CNBD1: variants seen among roughly 807,000 people sequenced by gnomAD.
CNBD1 encodes cyclic nucleotide binding domain containing 1.
CNBD1 carries 71 observed loss-of-function variants against 54.4 expected under a neutral mutation model. That is an observed-to-expected ratio of 1.30 (90% CI 1.08 to 1.59). CNBD1 has a LOEUF of 1.59. Among genes scored for constraint, CNBD1 ranks in the 40% most tolerant of loss-of-function variants. The pLI, the probability that CNBD1 is intolerant of heterozygous loss-of-function variation, is 0.00. For synonymous variants in CNBD1, 182 were observed against 170.7 expected (o/e 1.07, Z -0.51); for missense variants, 659 against 518.0 (o/e 1.27, Z -2.64).
intron 4 of CNBD1, among the ~76,000 whole-genome samples, chr8:86,989,593 G>A (rs1372717517): frequency 6.6e-6 from 1 of 152,078 alleles, no homozygotes; most frequent in Non-Finnish European, 1.5e-5. Flanking sequence ...TGGGATTACA[G>A]GCACATGCCA....
chr8:87,053,590 A>G (rs557166154), intron 4 of CNBD1, among the ~76,000 whole-genome samples: 1 of 152,268 alleles, frequency 6.6e-6, no homozygotes, highest in Non-Finnish European at 1.5e-5. Flanking sequence ...ACCTTTGTAG[A>G]TGCTGCCCAT....
chr8:87,372,431 T>C (rs2130949840), intron 10 of CNBD1, among the ~76,000 whole-genome samples: 1 of 152,052 alleles, frequency 6.6e-6, no homozygotes, highest in East Asian at 1.9e-4. Context: ...GGTTCCTCAC[T>C]GGATAAAAAG....
intron 2 of CNBD1, among the ~76,000 whole-genome samples, chr8:87,406,322 A>C (rs1807651789): frequency 6.6e-6 from 1 of 152,044 alleles, no homozygotes; most frequent in Admixed American, 6.6e-5. Context: ...AGCTACTATA[A>C]ATTCAAACAT....
intron 4 of CNBD1, among the ~76,000 whole-genome samples, chr8:87,073,376 G>A (rs1810798045): frequency 1.3e-5 from 2 of 152,018 alleles, no homozygotes; most frequent in African/African-American, 4.8e-5. Context: ...TGGAGAAGAG[G>A]CATTCTGGCT....
intron 4 of CNBD1, among the ~76,000 whole-genome samples, chr8:87,101,750 AT>A (rs1811432596): frequency 6.6e-6 from 1 of 152,194 alleles, no homozygotes; most frequent in Admixed American, 6.5e-5. Flanking sequence ...AGAAATCTCA[AT>A]AAAAATTCAT....
At chr8:87,151,020 T>C (rs1012967356) in intron 4 of CNBD1, among the ~76,000 whole-genome samples, 1 of 152,204 alleles carries the variant, frequency 6.6e-6, no homozygotes, top group African/African-American at 2.4e-5. Context: ...TTGGCTAAGC[T>C]GAGGTAACTT....
At chr8:86,932,569 G>T (rs1190740582) in intron 3 of CNBD1, among the ~76,000 whole-genome samples, 1 of 152,142 alleles carries the variant, frequency 6.6e-6, no homozygotes, top group African/African-American at 2.4e-5. Flanking sequence ...TGGACATAAG[G>T]TATTTCACTC....
chr8:87,325,861 G>T (rs1385539167), intron 8 of CNBD1, among the ~76,000 whole-genome samples: 8 of 144,526 alleles, frequency 5.5e-5, no homozygotes, highest in Admixed American at 2.1e-4. Context: ...GTTAGCTGGT[G>T]ATTTTGCTCG....
At chr8:87,257,123 G>A (rs528102265) in intron 6 of CNBD1, among the ~76,000 whole-genome samples, 9 of 151,844 alleles carry the variant, frequency 5.9e-5, no homozygotes, top group East Asian at 1.9e-4. Context: ...TAATCCCAGC[G>A]CTTTGGGAGA....
At chr8:87,346,896 C>G (rs1360845208) in intron 8 of CNBD1, among the ~76,000 whole-genome samples, 8 of 152,154 alleles carry the variant, frequency 5.3e-5, no homozygotes, top group Non-Finnish European at 7.4e-5. Flanking sequence ...GGTATGGACT[C>G]TAGCCCCAAT....
At chr8:87,158,445 T>C (rs1812789523) in intron 4 of CNBD1, among the ~76,000 whole-genome samples, 2 of 152,196 alleles carry the variant, frequency 1.3e-5, no homozygotes, top group Admixed American at 1.3e-4. Context: ...AAAACTATAA[T>C]GAAAACTTGA....
intron 4 of CNBD1, among the ~76,000 whole-genome samples, chr8:87,189,595 A>G (rs972041426): frequency 4.6e-5 from 7 of 152,090 alleles, no homozygotes; most frequent in African/African-American, 1.7e-4. Context: ...TAATTATAAG[A>G]GGTTTTTTAA....
chr8:87,281,571 TATATATATATATATATATATATA>T (rs1808601552), intron 6 of CNBD1, among the ~76,000 whole-genome samples: 1 of 49,140 alleles, frequency 2.0e-5, no homozygotes, highest in African/African-American at 7.4e-5. Context: ...TATATATATA[TATATATATATATATATATATATA>T]TATATATAAC....
At chr8:87,212,061 G>A (rs1269239187) in intron 5 of CNBD1, among the ~76,000 whole-genome samples, 1 of 152,050 alleles carries the variant, frequency 6.6e-6, no homozygotes, top group East Asian at 1.9e-4. Flanking sequence ...CACAAGCAAT[G>A]AACAGTTAAG....
chr8:87,163,369 A>C lies in CNBD1; in HGVS notation c.432-42624A>C, dbSNP rs1045358148. 2.6e-5 allele frequency among the ~76,000 whole-genome samples: 4 copies of C among 151,844 alleles called. No homozygotes were observed. The highest frequency in any genetic ancestry group is 9.7e-5 in the African/African-American group (4 of 41,378). Reference sequence around the variant, plus strand: ...CCATTTCTGTAAAAAAAAAAATTAGAATTTTGATAGAGATTGCATTGAATC... The same window carrying C: ...CCATTTCTGTAAAAAAAAAAATTAGCATTTTGATAGAGATTGCATTGAATC... On this transcript the variant is annotated intron_variant, in intron 4 of 10. Transcript: ENST00000518476. The surrounding 1 kb of genome is among the most constrained non-coding windows in gnomAD (Gnocchi z 4.5).
At position 87,244,241 on chromosome 8, in the gene CNBD1, T is replaced by TCCTTTCGAGTTTCTGATAAACTC. The variant is rs1807758518; in HGVS notation, c.771+7129_771+7130insCCTTTCGAGTTTCTGATAAACTC. On this transcript the variant is annotated intron_variant, in intron 6 of 10. Coordinates refer to ENST00000518476, the MANE Select transcript of CNBD1 (RefSeq NM_173538.3). The stretch of plus-strand genomic sequence containing the variant: ...CACTGGTAGGTGAGGGACAAATGGC[T>TCCTTTCGAGTTTCTGATAAACTC]GCATTTCTTTCGAGTTTCTGATAAA... Among the ~76,000 whole-genome samples, 3 of 152,148 alleles carry TCCTTTCGAGTTTCTGATAAACTC rather than the reference T, an allele frequency of 2.0e-5. No homozygotes were observed. In the South Asian group the frequency reaches 6.2e-4, roughly 31 times the overall value.
At chr8:87,087,659 G>C (rs1811129876) in intron 4 of CNBD1, among the ~76,000 whole-genome samples, 4 of 151,842 alleles carry the variant, frequency 2.6e-5, no homozygotes, top group African/African-American at 9.7e-5. Context: ...GTAGAGACGG[G>C]GTTTCACCGT....
chr8:87,248,108 T>G (rs1807844215), intron 6 of CNBD1, among the ~76,000 whole-genome samples: 1 of 152,202 alleles, frequency 6.6e-6, no homozygotes, highest in Non-Finnish European at 1.5e-5. Flanking sequence ...CCATAACATA[T>G]TCTCATGCAC....
chr8:87,173,227 C>G (rs1202728769), intron 4 of CNBD1, among the ~76,000 whole-genome samples: 2 of 152,128 alleles, frequency 1.3e-5, no homozygotes, highest in African/African-American at 4.8e-5. Flanking sequence ...CTATTTATAT[C>G]TCATTGTAAT....
Sources: allele counts gnomAD v4.1 joint callset (sites outside exome capture counted in the v4.1 genomes callset), GRCh38; gene constraint gnomAD v4.1.1; non-coding constraint Gnocchi (gnomAD v3.1); transcripts MANE v1.5; gene names NCBI Gene and HGNC (gene_info 2026-07-23, HGNC 2026-07-21).